TMBIM6: variants seen among roughly 807,000 people sequenced by gnomAD.
The protein encoded by TMBIM6 is transmembrane BAX inhibitor motif containing 6.
Under a neutral mutation model 31.4 loss-of-function variants are expected in TMBIM6, and 13 were observed. The observed-to-expected ratio is 0.41, with a 90% CI of 0.27 to 0.66. TMBIM6 has a LOEUF of 0.66. TMBIM6 is among the 30% of genes least tolerant of loss of function. TMBIM6 has a pLI of 0.28. For synonymous variants in TMBIM6, 85 were observed against 101.7 expected, an observed-to-expected ratio of 0.84 and a Z score of 0.99; for missense variants, 275 against 289.5, an observed-to-expected ratio of 0.95 and a Z score of 0.36.
At chr12:49,749,438 TTTG>T (rs916414487) in intron 1 of TMBIM6, among the ~76,000 whole-genome samples, 6 of 146,620 alleles carry the variant, frequency 4.1e-5, no homozygotes, top group African/African-American at 1.6e-4. Flanking sequence ...GTAAGTCATT[TTTG>T]TTTTTTTTTG....
At chr12:49,761,094 C>T (rs781240938) in intron 8 of TMBIM6, among the ~76,000 whole-genome samples, 15 of 152,160 alleles carry the variant, frequency 9.9e-5, no homozygotes, top group Non-Finnish European at 1.8e-4. Context: ...CCTCAGCCTT[C>T]CAAAGTGCTG....
intron 9 of TMBIM6, among the ~76,000 whole-genome samples, chr12:49,762,318 A>G (rs1485827653): frequency 6.6e-6 from 1 of 152,208 alleles, no homozygotes; most frequent in Non-Finnish European, 1.5e-5. Context: ...GGGCTATGCC[A>G]TGGTTGGACT....
At chr12:49,761,970 T>C (rs1945728340) in intron 9 of TMBIM6, 191 bp downstream of exon 9, 2 of 562,968 alleles carry the variant, frequency 3.6e-6, no homozygotes, top group African/African-American at 3.8e-5. Context: ...AAAAAAAATT[T>C]TTTTAACTAA....
At chr12:49,753,768 A>C (rs1368924528) in intron 3 of TMBIM6, among the ~76,000 whole-genome samples, 1 of 152,148 alleles carries the variant, frequency 6.6e-6, no homozygotes, top group Non-Finnish European at 1.5e-5. Flanking sequence ...TACTTTAGAC[A>C]CTCAAAGGAT....
At chr12:49,755,382 T>C (rs1592728304) in intron 3 of TMBIM6, among the ~76,000 whole-genome samples, 2 of 152,302 alleles carry the variant, frequency 1.3e-5, no homozygotes, top group Middle Eastern at 3.4e-3. Flanking sequence ...ACTTGGGTAG[T>C]TGTACTGTAG....
intron 9 of TMBIM6, chr12:49,762,136 A>AT (rs921297058): frequency 6.5e-4 from 145 of 221,424 alleles, no homozygotes; most frequent in East Asian, 2.2e-3. Flanking sequence ...CCATTTGTTA[A>AT]TTTTTTTTTC....
At chr12:49,749,739 G>A (rs1277553741) in intron 1 of TMBIM6, 6 of 152,138 alleles carry the variant, frequency 3.9e-5, no homozygotes, top group African/African-American at 1.4e-4. Flanking sequence ...CAACCTGTAA[G>A]TCATTTTTGA....
At chr12:49,743,483 C>T (rs1055892448) in intron 1 of TMBIM6, 7 of 152,024 alleles carry the variant, frequency 4.6e-5, no homozygotes, top group Non-Finnish European at 1.0e-4. Flanking sequence ...GATTCGCCCG[C>T]CTTGACCTCC....
Position 49,759,239 on chromosome 12 carries a change from C to T in TMBIM6, c.532C>T (p.Leu178=). The T allele has an allele frequency of 6.2e-7, 1 of 1,614,028 alleles. No individual in the cohort carries two copies. The highest frequency in any genetic ancestry group is 2.2e-5 in the East Asian group (1 of 44,878). The part of the protein sequence containing the change: ...WLFQANLYVG[L]VVMCGFVLFD... ...TTGTTAGGCAAACCTGTATGTGGGACTGGTGGTCATGTGTGGCTTCGTCCT... is the reference window on the plus strand; with the variant it reads ...TTGTTAGGCAAACCTGTATGTGGGATTGGTGGTCATGTGTGGCTTCGTCCT... Residue 178 remains leucine, a synonymous_variant, in exon 8 of 10, where the codon CTG becomes TTG. Transcript: ENST00000267115.
chr12:49,748,122 T>TC (rs1162010050), intron 1 of TMBIM6, among the ~76,000 whole-genome samples: 1 of 152,136 alleles, frequency 6.6e-6, no homozygotes, highest in Admixed American at 6.5e-5. Context: ...CAGGCTGGTC[T>TC]CCAACTCCTG....
At chr12:49,753,822 T>C (rs1945539648) in intron 3 of TMBIM6, among the ~76,000 whole-genome samples, 1 of 152,198 alleles carries the variant, frequency 6.6e-6, no homozygotes, top group African/African-American at 2.4e-5. Flanking sequence ...AGCCCTTAAA[T>C]AATTTAGTAA....
At chr12:49,755,259 A>G (rs1276582136) in intron 3 of TMBIM6, among the ~76,000 whole-genome samples, 1 of 152,068 alleles carries the variant, frequency 6.6e-6, no homozygotes, top group East Asian at 1.9e-4. Context: ...GTTTTTTTTA[A>G]AGTGACCAAA....
At chr12:49,762,778 C>A in intron 9 of TMBIM6, 95 bp from the exon 10 acceptor site, 1 of 1,131,078 alleles carries the variant, frequency 8.8e-7, no homozygotes, top group Non-Finnish European at 1.3e-6. Flanking sequence ...AATTGTCTGG[C>A]TCACTTCTAG....
chr12:49,759,367 A>AC, intron 8 of TMBIM6, 46 bp downstream of exon 8: 1 of 1,519,324 alleles, frequency 6.6e-7, no homozygotes, highest in Non-Finnish European at 9.1e-7. Flanking sequence ...GTTGAGGCAT[A>AC]CCGTTCAGCA....
intron 1 of TMBIM6, among the ~76,000 whole-genome samples, chr12:49,750,431 A>T (rs770984654): frequency 7.9e-5 from 12 of 152,160 alleles, no homozygotes; most frequent in African/African-American, 2.4e-4. Context: ...CTGTCTAGGG[A>T]TGTCATTAGG....
chr12:49,764,857 A>G lies in TMBIM6; in HGVS notation c.*1961A>G, dbSNP rs537605405. The G allele has an allele frequency of 3.9e-5, 6 of 152,308 alleles. No individual in the cohort carries two copies. In the South Asian group the frequency reaches 1.0e-3, roughly 26 times the overall value. The allele number at this position is 152,308 out of a possible 1,614,324, so 9.4% of individuals were successfully genotyped here. A position where few individuals can be genotyped will look rare whatever the true frequency, so the allele number is the denominator to read the frequency against. On this transcript the variant is annotated 3_prime_UTR_variant, in exon 10 of 10. Transcript: ENST00000267115. The stretch of plus-strand genomic sequence containing the variant: ...CATTCTAACTCATACTGTGAAGACA[A>G]AGGTGTTTTTGATTCAGAAATATAT...
intron 1 of TMBIM6, among the ~76,000 whole-genome samples, chr12:49,748,243 G>C (rs1185284557): frequency 6.6e-6 from 1 of 151,834 alleles, no homozygotes; most frequent in Non-Finnish European, 1.5e-5. Flanking sequence ...TTAATTTAAG[G>C]CTGGACCCTT....
intron 8 of TMBIM6, among the ~76,000 whole-genome samples, chr12:49,760,223 C>A (rs1242728231): frequency 6.6e-6 from 1 of 151,238 alleles, no homozygotes; most frequent in Non-Finnish European, 1.5e-5. Context: ...CCTATTTATA[C>A]TTCTGTATTT....
At chr12:49,741,943 T>C in intron 1 of TMBIM6, 1 of 803,862 alleles carries the variant, frequency 1.2e-6, no homozygotes, top group Non-Finnish European at 1.9e-6. Flanking sequence ...CTCCTTCTCC[T>C]CTACTAAGTG....
Sources: allele counts gnomAD v4.1 joint callset (sites outside exome capture counted in the v4.1 genomes callset), GRCh38; gene constraint gnomAD v4.1.1; transcripts MANE v1.5; gene names NCBI Gene and HGNC (gene_info 2026-07-23, HGNC 2026-07-21).